GALNT13: variants seen among roughly 807,000 people sequenced by gnomAD.
GALNT13 encodes the protein UDP-GalNAc:polypeptide N-acetylgalactosaminyltransferase 13.
Under a neutral mutation model 64.2 loss-of-function variants are expected in GALNT13, and 28 were observed. The observed-to-expected ratio is 0.44, with a 90% CI of 0.32 to 0.60. The LOEUF is 0.60. Among genes scored for constraint, GALNT13 ranks in the 20% least tolerant of loss-of-function variants. The probability of loss-of-function intolerance (pLI) is 0.05; values close to 1 mark genes in which losing one functional copy is unlikely to be tolerated. For missense variants in GALNT13, 577 were observed against 669.8 expected (o/e 0.86, Z 1.53); for synonymous variants, 214 against 224.6 (o/e 0.95, Z 0.42).
rs563657783 is a variant in GALNT13, at chr2:154,423,631, A to T, written c.1395+14549A>T. On this transcript the variant is annotated intron_variant, in intron 11 of 12. Coordinates refer to ENST00000392825, the MANE Select transcript of GALNT13 (RefSeq NM_052917.4). ...TGTTACTTATAAATCTAACATAAAT[A>T]CATAGCCCCCAATTTCTTACTGAAG... 2.6e-5 allele frequency among the ~76,000 whole-genome samples: 4 copies of T among 152,336 alleles called. No homozygotes were observed. The South Asian group carries it at 8.3e-4, about 32-fold the overall frequency.
the GALNT13 span, among the ~76,000 whole-genome samples, chr2:153,375,882 C>T: frequency 1.3e-5 from 2 of 152,112 alleles, no homozygotes; most frequent in African/African-American, 4.8e-5. Flanking sequence ...GTACAAGAAG[C>T]GTGGTGCCAG....
the GALNT13 span, among the ~76,000 whole-genome samples, chr2:153,555,405 A>G: frequency 6.9e-6 from 1 of 145,592 alleles, no homozygotes; most frequent in South Asian, 2.3e-4. Flanking sequence ...CGTGTTAGCC[A>G]GGATGGTCTC....
At chr2:153,397,890 G>T in the GALNT13 span, among the ~76,000 whole-genome samples, 1 of 151,936 alleles carries the variant, frequency 6.6e-6, no homozygotes. Context: ...CTGAAAACTT[G>T]CTGAATACAT....
chr2:154,301,438 T>C lies in GALNT13; in HGVS notation c.1005T>C (p.Ile335=). 1.9e-6 allele frequency: 3 copies of C among 1,613,048 alleles called. No homozygotes were observed. Among genetic ancestry groups the C allele is most frequent in the Non-Finnish European group, 8.5e-7 (1 of 1,179,262 alleles). The change falls in exon 9 of 13, where the codon ATT becomes ATC. Residue 335 remains isoleucine, a synonymous_variant. Transcript: ENST00000392825. ...GGCAATGTGGAGGCTCCTTGGAGAT[T>C]GTTACTTGCTCCCATGTTGGTCATG... The part of the protein sequence containing the change: ...RIWQCGGSLE[I]VTCSHVGHVF...
the GALNT13 span, among the ~76,000 whole-genome samples, chr2:153,186,680 C>T: frequency 2.0e-5 from 3 of 152,044 alleles, no homozygotes; most frequent in Admixed American, 6.5e-5. Flanking sequence ...GATTCTCCTG[C>T]CTCAGCCTCC....
intron 3 of GALNT13, among the ~76,000 whole-genome samples, chr2:154,073,016 T>A (rs576193863): frequency 1.3e-5 from 2 of 152,152 alleles, no homozygotes; most frequent in African/African-American, 2.4e-5. Context: ...CAAAACTTTT[T>A]AAAAATAATA....
intron 9 of GALNT13, among the ~76,000 whole-genome samples, chr2:154,371,801 CA>C (rs1264969590): frequency 6.6e-6 from 1 of 151,020 alleles, no homozygotes; most frequent in African/African-American, 2.4e-5. Context: ...CTTAATTTCC[CA>C]TAGAAACATT....
At chr2:153,802,764 C>G in the GALNT13 span, among the ~76,000 whole-genome samples, 1 of 152,238 alleles carries the variant, frequency 6.6e-6, no homozygotes, top group Non-Finnish European at 1.5e-5. Flanking sequence ...AGGCAAGCCT[C>G]TTTCATTTAG....
the GALNT13 span, among the ~76,000 whole-genome samples, chr2:153,545,530 C>T: frequency 6.6e-6 from 1 of 152,102 alleles, no homozygotes; most frequent in Non-Finnish European, 1.5e-5. Context: ...CAGTCTGTAC[C>T]CTGGCTGCTT....
intron 3 of GALNT13, among the ~76,000 whole-genome samples, chr2:153,952,489 GATA>G (rs140473357): frequency 0.061 from 9,286 of 152,134 alleles, 578 homozygotes; most frequent in African/African-American, 0.16. Flanking sequence ...TTAGTCTACA[GATA>G]ATATTTGGTT....
chr2:153,337,883 A>T, the GALNT13 span: 1 of 152,208 alleles, frequency 6.6e-6, no homozygotes, highest in Non-Finnish European at 1.5e-5. Context: ...TAATTAAAGT[A>T]GTCTAAATAA....
At chr2:153,477,898 C>T in the GALNT13 span, 3 of 331,296 alleles carry the variant, frequency 9.1e-6, no homozygotes, top group South Asian at 4.2e-5. Context: ...TCCACCTGCC[C>T]CCAGAGCTTG....
At chr2:153,407,238 A>T in the GALNT13 span, among the ~76,000 whole-genome samples, 1 of 152,304 alleles carries the variant, frequency 6.6e-6, no homozygotes, top group Middle Eastern at 3.4e-3. Context: ...GGGGCCCAGC[A>T]ATTTGTGTTT....
At chr2:153,732,282 A>T in the GALNT13 span, among the ~76,000 whole-genome samples, 1 of 151,986 alleles carries the variant, frequency 6.6e-6, no homozygotes, top group Non-Finnish European at 1.5e-5. Context: ...GTGTCTTTTG[A>T]GTTCACATTT....
intron 4 of GALNT13, among the ~76,000 whole-genome samples, chr2:154,193,088 G>A (rs1437841667): frequency 6.6e-6 from 1 of 152,192 alleles, no homozygotes; most frequent in African/African-American, 2.4e-5. Flanking sequence ...ACATAGTCAT[G>A]TGTTTCTTAG....
At chr2:153,321,918 G>A in the GALNT13 span, among the ~76,000 whole-genome samples, 1 of 152,092 alleles carries the variant, frequency 6.6e-6, no homozygotes, top group African/African-American at 2.4e-5. Context: ...AGTCAAGTGA[G>A]TCTAAGAGTC....
the GALNT13 span, among the ~76,000 whole-genome samples, chr2:153,857,659 C>A: frequency 6.6e-6 from 1 of 152,166 alleles, no homozygotes; most frequent in East Asian, 1.9e-4. Flanking sequence ...TGCACTTCCA[C>A]ATATATATTT....
the GALNT13 span, among the ~76,000 whole-genome samples, chr2:153,587,251 AAC>A: frequency 6.9e-6 from 1 of 144,154 alleles, no homozygotes; most frequent in Non-Finnish European, 1.5e-5. Flanking sequence ...AAAAAAAATT[AAC>A]ACAGAAATTA....
chr2:154,003,456 C>T (rs1696046851), intron 3 of GALNT13, among the ~76,000 whole-genome samples: 1 of 152,104 alleles, frequency 6.6e-6, no homozygotes, highest in South Asian at 2.1e-4. Flanking sequence ...TTTCCAAGTT[C>T]TTGTGAACTC....
Sources: allele counts gnomAD v4.1 joint callset (sites outside exome capture counted in the v4.1 genomes callset), GRCh38; gene constraint gnomAD v4.1.1; transcripts MANE v1.5; gene names NCBI Gene and HGNC (gene_info 2026-07-23, HGNC 2026-07-21).